Variants in PLEKHG5 observed in about 807,000 individuals in gnomAD.
PLEKHG5 encodes the protein pleckstrin homology domain-containing family G member 5.
In PLEKHG5, 52 loss-of-function variants were observed where a neutral mutation model predicts 103.8. The observed-to-expected ratio is 0.50, with a 90% CI of 0.40 to 0.63. The LOEUF (loss-of-function observed/expected upper bound fraction) is 0.63. Ranked by LOEUF, PLEKHG5 falls within the 30% of genes least tolerant of loss-of-function variation. The pLI, the probability that PLEKHG5 is intolerant of heterozygous loss-of-function variation, is 0.00. For missense variants in PLEKHG5, 1,205 were observed against 1,347.6 expected (o/e 0.89, Z 1.66); for synonymous variants, 592 against 575.5 (o/e 1.03, Z -0.41).
rs778389781 is a variant in PLEKHG5 at position 6,470,299 on chromosome 1, C to T, written c.1737G>A (p.Pro579=). 7.4e-6 allele frequency: 12 copies of T among 1,614,010 alleles called. No homozygotes were observed. In the East Asian group the frequency reaches 1.8e-4, roughly 24 times the overall value. Residue 579 remains proline, a synonymous_variant, in exon 16 of 21, where the codon CCG becomes CCA. Transcript: ENST00000377728. ...DLTAPIPGAS[P]EETRQLLLEG... Reference sequence around the variant, plus strand: ...CCAGCAGCAGCTGCCGCGTCTCCTCCGGGGAGGCGCCAGGGATGGGCGCTG... The same window carrying T: ...CCAGCAGCAGCTGCCGCGTCTCCTCTGGGGAGGCGCCAGGGATGGGCGCTG...
chr1:6,469,586 G>A lies in PLEKHG5; in HGVS notation c.1891C>T (p.Leu631=), dbSNP rs771736475. ...CGGCACACAATCTTGTCCACGAGCA[G>A]GGGTGGCCTGATGACCCTGGTCCTC... is the stretch of plus-strand genomic sequence containing the variant. ...AERTRVIRPP[L]LVDKIVCREL... The change falls in exon 17 of 21, where the codon CTG becomes TTG. Residue 631 remains leucine, a synonymous_variant. Transcript: ENST00000377728. The A allele has an allele frequency of 6.2e-7, 1 of 1,613,878 alleles. No individual in the cohort carries two copies. Among genetic ancestry groups the A allele is most frequent in the South Asian group, 1.1e-5 (1 of 91,076 alleles).
intron 13 of PLEKHG5, 29 bp downstream of exon 13, chr1:6,470,961 G>A (rs575499550): frequency 7.6e-5 from 119 of 1,563,676 alleles, no homozygotes; most frequent in Non-Finnish European, 1.0e-4. Context: ...GTCCTCCTGC[G>A]CCCCCGCCCA....
intron 2 of PLEKHG5, 124 bp from the exon 3 acceptor site, chr1:6,476,160 T>A: frequency 2.5e-6 from 2 of 808,434 alleles, no homozygotes; most frequent in South Asian, 2.9e-5. Flanking sequence ...CAAGGGCCCT[T>A]CAGTTCTGTG....
At chr1:6,512,146 C>T (rs967916571) in intron 1 of PLEKHG5, among the ~76,000 whole-genome samples, 8 of 152,210 alleles carry the variant, frequency 5.3e-5, no homozygotes, top group African/African-American at 1.4e-4. Flanking sequence ...AGGCTCGGGA[C>T]GCCTGGAGAC....
Position 6,472,560 on chromosome 1 carries a change from G to C in PLEKHG5, c.1047C>G (p.Ala349=), listed in dbSNP as rs187107798. Residue 349 remains alanine (A), a synonymous_variant, in exon 10 of 21, where the codon GCC becomes GCG. Transcript: ENST00000377728. The stretch of plus-strand genomic sequence containing the variant: ...TCACCCGCAGTTTCCTGATGTAGGA[G>C]GCCTCCGTGTGCAGCAGCTCCCACA... ...EAVWELLHTE[A]SYIRKLRVII... 2.5e-6 allele frequency: 4 copies of C among 1,613,706 alleles called. No individual in the cohort carries two copies. Among genetic ancestry groups the C allele is most frequent in the East Asian group, 2.2e-5 (1 of 44,884 alleles).
At chr1:6,493,880 G>A (rs895912047), upstream of PLEKHG5, among the ~76,000 whole-genome samples, 1 of 151,924 alleles carries the variant, frequency 6.6e-6, no homozygotes, top group Non-Finnish European at 1.5e-5. Context: ...GACTAGTCTC[G>A]AACTCCTGAC....
At chr1:6,470,144 C>T in intron 16 of PLEKHG5, 92 bp downstream of exon 16, 2 of 1,404,336 alleles carry the variant, frequency 1.4e-6, no homozygotes, top group South Asian at 1.2e-5. Context: ...TGAGTAACCA[C>T]CGAAGGGACT....
rs114346708 is a variant in PLEKHG5, at chr1:6,473,639, G to A, written c.592-185C>T. On this transcript the variant is annotated intron_variant, in intron 7 of 20. Coordinates refer to ENST00000377728, the MANE Select transcript of PLEKHG5 (RefSeq NM_020631.6). ...GACTGGAAGGTCCAGACACAGATAC[G>A]CCCAGACTATCATCCCCCAGTCCCC... Among the ~76,000 whole-genome samples, 1,985 of 152,222 alleles carry A rather than the reference G, an allele frequency of 0.013. 38 individuals carry two copies. Among genetic ancestry groups the A allele is most frequent in the African/African-American group, 0.045 (1,884 of 41,512 alleles).
In PLEKHG5 at chr1:6,471,539, C is replaced by A. The variant is rs775775743; in HGVS notation, c.1230G>T (p.Arg410=). Residue 410 remains arginine (R), a synonymous_variant, in exon 12 of 21, where the codon CGG becomes CGT. Transcript: ENST00000377728. ...CGGGCTGTAGCAGCGCTCGCGTGCG[C>A]CGCGCCTTCTCCAGCACCGGCGCCA... ...SVMAPVLEKA[R]RTRALLQPGD... is the part of the protein sequence containing the mutation. 7 of 1,609,078 alleles carry A rather than the reference C, an allele frequency of 4.4e-6. No individual in the cohort carries two copies. The highest frequency in any genetic ancestry group is 1.7e-5 in the Admixed American group (1 of 59,688).
intron 1 of PLEKHG5, among the ~76,000 whole-genome samples, chr1:6,488,259 C>G (rs1203736408): frequency 1.3e-5 from 2 of 152,238 alleles, no homozygotes; most frequent in Non-Finnish European, 2.9e-5. Flanking sequence ...TGTTACAATC[C>G]CCATTTAACA....
intron 1 of PLEKHG5, among the ~76,000 whole-genome samples, chr1:6,502,883 C>CCAG (rs1452046419): frequency 2.6e-5 from 4 of 152,194 alleles, no homozygotes; most frequent in Non-Finnish European, 4.4e-5. Flanking sequence ...GTGCTGTGAC[C>CCAG]CAGCCGCTGT....
intron 20 of PLEKHG5, 86 bp downstream of exon 20, chr1:6,467,739 T>C: frequency 6.5e-7 from 1 of 1,544,156 alleles, no homozygotes; most frequent in Non-Finnish European, 8.9e-7. Flanking sequence ...GCCATGACCC[T>C]CCCCAAATGC....
chr1:6,486,135 T>A lies in PLEKHG5; in HGVS notation c.-88+5502A>T, dbSNP rs1645032580. Among the ~76,000 whole-genome samples the A allele has an allele frequency of 6.7e-6, 1 of 148,382 alleles. No homozygotes were observed. Among genetic ancestry groups the A allele is most frequent in the Non-Finnish European group, 1.5e-5 (1 of 66,844 alleles). ...AAGGGTACCTTCCCTCCTCCCTTCC[T>A]CCTGGAGACCCCCACCCCCGCCTCG... On this transcript the variant is annotated intron_variant, in intron 1 of 20. Transcript: ENST00000377728. This position sits in a 1 kb window ranked among gnomAD's most constrained non-coding sequence, Gnocchi z 5.3.
chr1:6,499,346 T>C (rs1645270041), upstream of PLEKHG5, among the ~76,000 whole-genome samples: 1 of 152,208 alleles, frequency 6.6e-6, no homozygotes, highest in South Asian at 2.1e-4. Context: ...CCTTGTCCTT[T>C]GCCTGGTACT....
In PLEKHG5 at chr1:6,470,577, GCTGCCGCTC is replaced by G. The variant is rs993350766; in HGVS notation, c.1600_1608del (p.Glu534_Gln536del). On this transcript the variant is annotated inframe_deletion, in exon 15 of 21. Transcript: ENST00000377728. The stretch of plus-strand genomic sequence containing the variant: ...ATGCGGCTCACCACGGCCGCCAGCC[GCTGCCGCTC>G]CTGCCGCTGCCGCATGCACGCGTTC... 3 of 1,589,188 alleles carry G rather than the reference GCTGCCGCTC, an allele frequency of 1.9e-6. No individual in the cohort carries two copies. The highest frequency in any genetic ancestry group is 1.3e-5 in the African/African-American group (1 of 74,146).
chr1:6,499,001 G>T (rs576277917), upstream of PLEKHG5, among the ~76,000 whole-genome samples: 1 of 152,326 alleles, frequency 6.6e-6, no homozygotes, highest in South Asian at 2.1e-4. Flanking sequence ...TGCCATCTGT[G>T]TTTCCACGGG....
chr1:6,515,371 C>A (rs928948156), intron 1 of PLEKHG5, among the ~76,000 whole-genome samples: 3 of 151,562 alleles, frequency 2.0e-5, no homozygotes, highest in African/African-American at 7.3e-5. Flanking sequence ...ACTACAAATA[C>A]CAAAAATTAG....
intron 1 of PLEKHG5, among the ~76,000 whole-genome samples, chr1:6,478,866 A>C (rs1644829456): frequency 6.6e-6 from 1 of 151,848 alleles, no homozygotes; most frequent in East Asian, 1.9e-4. Flanking sequence ...TTGGTATTGA[A>C]CTCCTGGTCT....
rs1299860804 is a variant in PLEKHG5, at chr1:6,490,901, G to T, written c.-88+736C>A. 1.3e-5 allele frequency among the ~76,000 whole-genome samples: 2 copies of T among 152,146 alleles called. No individual in the cohort carries two copies. Among genetic ancestry groups the T allele is most frequent in the African/African-American group, 2.4e-5 (1 of 41,430 alleles). On this transcript the variant is annotated intron_variant, in intron 1 of 20. Transcript: ENST00000377728. The surrounding 1 kb of genome is among the most constrained non-coding windows in gnomAD (Gnocchi z 8.0). ...CCCATCCCGGAAGGGGGCTAGGGGG[G>T]ACCAGGGCCCGCGACAGGAAGCCTC...
Sources: allele counts gnomAD v4.1 joint callset (sites outside exome capture counted in the v4.1 genomes callset), GRCh38; gene constraint gnomAD v4.1.1; non-coding constraint Gnocchi (gnomAD v3.1); transcripts MANE v1.5; gene names NCBI Gene and HGNC (gene_info 2026-07-23, HGNC 2026-07-21).